ADGB: variants seen among roughly 807,000 people sequenced by gnomAD.
ADGB encodes the protein androglobin.
A neutral mutation model predicts 210.5 loss-of-function variants in ADGB; 172 were observed. The observed-to-expected ratio is 0.82, with a 90% CI of 0.72 to 0.93. The LOEUF (loss-of-function observed/expected upper bound fraction) is 0.93. Ranked by LOEUF, ADGB falls within the 40% of genes least tolerant of loss-of-function variation. ADGB has a pLI of 0.00. For synonymous variants in ADGB, 658 were observed against 662.7 expected (o/e 0.99, Z 0.11); for missense variants, 2,025 against 1,964.8 (o/e 1.03, Z -0.58).
At chr6:146,668,606 G>A (rs1266586419) in intron 7 of ADGB, among the ~76,000 whole-genome samples, 1 of 152,004 alleles carries the variant, frequency 6.6e-6, no homozygotes, top group African/African-American at 2.4e-5. Flanking sequence ...TTAAAAGTAT[G>A]GAGCTCTATA....
At chr6:146,682,894 T>C (rs368380431) in intron 9 of ADGB, among the ~76,000 whole-genome samples, 4 of 152,046 alleles carry the variant, frequency 2.6e-5, no homozygotes, top group African/African-American at 7.2e-5. Context: ...TCCAAATCCT[T>C]TGTAGTCTTG....
intron 33 of ADGB, among the ~76,000 whole-genome samples, chr6:146,793,677 T>C (rs259400): frequency 1.3e-5 from 2 of 151,896 alleles, no homozygotes; most frequent in African/African-American, 2.4e-5. Flanking sequence ...GCTGTTATGG[T>C]AACTAGAAAG....
intron 14 of ADGB, among the ~76,000 whole-genome samples, chr6:146,715,886 G>A (rs1776725413): frequency 2.0e-5 from 3 of 151,744 alleles, no homozygotes; most frequent in Admixed American, 2.0e-4. Flanking sequence ...TGGCCAACAT[G>A]GTGAAACCCT....
chr6:146,657,047 T>TGAGCCACCATGCCA, intron 5 of ADGB, 67 bp downstream of exon 5: 1 of 1,368,974 alleles, frequency 7.3e-7, no homozygotes, highest in Non-Finnish European at 1.0e-6. Context: ...TGTCCTGGCA[T>TGAGCCACCATGCCA]GGTGGCTCAT....
chr6:146,662,807 G>A (rs932694057), intron 5 of ADGB, among the ~76,000 whole-genome samples: 2 of 151,148 alleles, frequency 1.3e-5, no homozygotes, highest in African/African-American at 2.4e-5. Context: ...CACATTTATC[G>A]GCTGTGTCTC....
chr6:146,763,858 AT>A (rs1465581526), intron 27 of ADGB, 42 bp from the exon 28 acceptor site: 1 of 1,468,848 alleles, frequency 6.8e-7, no homozygotes, highest in South Asian at 1.3e-5. Flanking sequence ...ATAACTATGT[AT>A]ATCACATATT....
At chr6:146,687,346 T>A (rs1293966589) in intron 10 of ADGB, among the ~76,000 whole-genome samples, 1 of 152,152 alleles carries the variant, frequency 6.6e-6, no homozygotes, top group South Asian at 2.1e-4. Flanking sequence ...GTCTCAGATA[T>A]GCTAGCGAGT....
At chr6:146,714,710 T>C (rs542878692) in intron 13 of ADGB, among the ~76,000 whole-genome samples, 2 of 152,292 alleles carry the variant, frequency 1.3e-5, no homozygotes, top group African/African-American at 4.8e-5. Context: ...TACCTGCTAA[T>C]TGCTTCTGAG....
At chr6:146,809,568 C>T (rs1778270887) in intron 35 of ADGB, among the ~76,000 whole-genome samples, 1 of 152,038 alleles carries the variant, frequency 6.6e-6, no homozygotes, top group South Asian at 2.1e-4. Flanking sequence ...TCTCAAACTC[C>T]TGAGTTCAAG....
At position 146,815,263 on chromosome 6, in the gene ADGB, A is replaced by G. The variant is rs775770271; in HGVS notation, c.*46A>G. ...CCCTGCTTCTGGAGAGAAAAAATCT[A>G]TTTGTAATGATCTTTAACTGCCTGC... On this transcript the variant is annotated 3_prime_UTR_variant, in exon 36 of 36. Transcript: ENST00000397944. The G allele has an allele frequency of 5.7e-6, 8 of 1,391,374 alleles. No homozygotes were observed. The allele number at this position is 1,391,374 out of a possible 1,614,324, so 86.2% of individuals were successfully genotyped here.
chr6:146,806,850 A>G (rs1358042672), intron 35 of ADGB, among the ~76,000 whole-genome samples: 1 of 152,196 alleles, frequency 6.6e-6, no homozygotes, highest in African/African-American at 2.4e-5. Context: ...CCAGGAGGAG[A>G]GCGTGCGGTT....
At chr6:146,699,360 G>A (rs1241830252) in intron 12 of ADGB, among the ~76,000 whole-genome samples, 2 of 152,092 alleles carry the variant, frequency 1.3e-5, no homozygotes, top group Non-Finnish European at 2.9e-5. Flanking sequence ...GGAGTTGTTG[G>A]TGCAAGTCCC....
At chr6:146,744,995 C>T (rs1047269067) in intron 25 of ADGB, among the ~76,000 whole-genome samples, 1 of 152,112 alleles carries the variant, frequency 6.6e-6, no homozygotes, top group South Asian at 2.1e-4. Context: ...CTTTATTATA[C>T]ATTTTTTTTA....
Position 146,786,218 on chromosome 6 carries a change from A to G in ADGB, c.4315+506A>G, listed in dbSNP as rs544670170. Among the ~76,000 whole-genome samples, 339 of 148,236 alleles carry G rather than the reference A, an allele frequency of 2.3e-3. 2 individuals are homozygous for G. The highest frequency in any genetic ancestry group is 3.4e-3 in the Non-Finnish European group (227 of 67,286). On this transcript the variant is annotated intron_variant, in intron 32 of 35. Coordinates refer to ENST00000397944, the MANE Select transcript of ADGB (RefSeq NM_024694.4). ...TATTATATATATTTAAGTATATATT[A>G]TAATATTATTCCAGTTTATCAATAA...
chr6:146,754,884 G>A (rs952036887), intron 27 of ADGB, among the ~76,000 whole-genome samples: 1 of 151,978 alleles, frequency 6.6e-6, no homozygotes, highest in African/African-American at 2.4e-5. Flanking sequence ...TTTCATAAAA[G>A]TCAAACTTGC....
At chr6:146,782,627 A>C (rs1777818387) in intron 30 of ADGB, among the ~76,000 whole-genome samples, 1 of 152,212 alleles carries the variant, frequency 6.6e-6, no homozygotes, top group Non-Finnish European at 1.5e-5. Flanking sequence ...GATGAGGCGA[A>C]AACTCAACCT....
chr6:146,684,373 C>T (rs1333536447), intron 9 of ADGB, among the ~76,000 whole-genome samples: 2 of 151,994 alleles, frequency 1.3e-5, no homozygotes, highest in Non-Finnish European at 2.9e-5. Flanking sequence ...CAGCTGACAC[C>T]TAAAGGCATT....
intron 9 of ADGB, 90 bp downstream of exon 9, chr6:146,676,531 T>C: frequency 8.8e-7 from 1 of 1,140,828 alleles, no homozygotes; most frequent in East Asian, 3.1e-5. Flanking sequence ...ATTTTTTCTT[T>C]TGAAATAACT....
chr6:146,624,112 T>C (rs1780938335), intron 1 of ADGB, among the ~76,000 whole-genome samples: 1 of 151,848 alleles, frequency 6.6e-6, no homozygotes, highest in South Asian at 2.1e-4. Flanking sequence ...TATTCCCTCT[T>C]CTTCAATTTT....
Sources: allele counts gnomAD v4.1 joint callset (sites outside exome capture counted in the v4.1 genomes callset), GRCh38; gene constraint gnomAD v4.1.1; transcripts MANE v1.5; gene names NCBI Gene and HGNC (gene_info 2026-07-23, HGNC 2026-07-21).